PKP4: variants seen among roughly 807,000 people sequenced by gnomAD.
PKP4 encodes the protein plakophilin 4, also known as plakophilin-4.
In PKP4, 90 loss-of-function variants were observed where a neutral mutation model predicts 145.1. The observed-to-expected ratio is 0.62, with a 90% CI of 0.52 to 0.74. The LOEUF (loss-of-function observed/expected upper bound fraction) is 0.74, where lower values mean the gene tolerates loss of function less well. Ranked by LOEUF, PKP4 falls within the 30% of genes least tolerant of loss-of-function variation. The pLI, the probability that PKP4 is intolerant of heterozygous loss-of-function variation, is 0.00. For missense variants in PKP4, 1,340 were observed against 1,482.7 expected (o/e 0.90, Z 1.58); for synonymous variants, 563 against 577.2 (o/e 0.98, Z 0.35).
At chr2:158,679,971 C>T (rs934393477) in intron 21 of PKP4, among the ~76,000 whole-genome samples, 9 of 152,190 alleles carry the variant, frequency 5.9e-5, no homozygotes, top group African/African-American at 1.9e-4. Flanking sequence ...AAAGATGGTT[C>T]GGTAATTATA....
intron 1 of PKP4, among the ~76,000 whole-genome samples, chr2:158,508,853 G>A (rs1413646344): frequency 6.6e-6 from 1 of 152,134 alleles, no homozygotes; most frequent in African/African-American, 2.4e-5. Flanking sequence ...AGGTTCTGGG[G>A]TGACTGTGGA....
Position 158,558,746 on chromosome 2 carries a change from G to A in PKP4, c.133-18525G>A, listed in dbSNP as rs922513958. ...TGGGGTGCTGTCAAGAGAGTGATGC[G>A]ATGGTCAGGCTGAATATGGAAATAC... On this transcript the variant is annotated intron_variant, in intron 2 of 21. Coordinates refer to ENST00000389759, the MANE Select transcript of PKP4 (RefSeq NM_003628.6). Among the ~76,000 whole-genome samples the A allele has an allele frequency of 7.9e-5, 12 of 152,230 alleles. No individual in the cohort carries two copies. In the South Asian group the frequency reaches 2.1e-3, roughly 26 times the overall value.
intron 6 of PKP4, 26 bp from the exon 7 acceptor site, chr2:158,624,852 T>C: frequency 6.5e-7 from 1 of 1,539,104 alleles, no homozygotes; most frequent in Non-Finnish European, 8.8e-7. Context: ...ATAAACCCAT[T>C]CTCTTTTTTC....
intron 1 of PKP4, among the ~76,000 whole-genome samples, chr2:158,474,349 C>T (rs879801515): frequency 2.0e-5 from 3 of 152,144 alleles, no homozygotes; most frequent in East Asian, 1.9e-4. Context: ...ACTTCTAAGA[C>T]ATTATAATAC....
chr2:158,544,916 C>G (rs1356182823), intron 2 of PKP4, among the ~76,000 whole-genome samples: 1 of 152,062 alleles, frequency 6.6e-6, no homozygotes, highest in Admixed American at 6.6e-5. Flanking sequence ...GTCCCCTGTC[C>G]CACCTAGAGC....
At chr2:158,467,993 G>A (rs1690920351) in intron 1 of PKP4, among the ~76,000 whole-genome samples, 1 of 152,180 alleles carries the variant, frequency 6.6e-6, no homozygotes. Flanking sequence ...TTATAGCCAA[G>A]TAATATTCCA....
intron 3 of PKP4, among the ~76,000 whole-genome samples, chr2:158,586,258 C>T (rs574114605): frequency 1.3e-3 from 195 of 152,212 alleles, no homozygotes; most frequent in African/African-American, 4.6e-3. Context: ...ATATCAAGAG[C>T]TTTGCTCTAG....
intron 2 of PKP4, among the ~76,000 whole-genome samples, chr2:158,564,245 T>C (rs933478743): frequency 1.3e-5 from 2 of 152,080 alleles, no homozygotes; most frequent in Non-Finnish European, 2.9e-5. Flanking sequence ...CAAACCTATG[T>C]AGGCTTTGGG....
At chr2:158,543,293 T>C (rs944365637) in intron 2 of PKP4, among the ~76,000 whole-genome samples, 3 of 152,192 alleles carry the variant, frequency 2.0e-5, no homozygotes, top group East Asian at 1.9e-4. Flanking sequence ...ATATATTTGG[T>C]TATCTTTGTA....
At chr2:158,665,516 A>C (rs1294346351) in intron 15 of PKP4, among the ~76,000 whole-genome samples, 2 of 152,042 alleles carry the variant, frequency 1.3e-5, no homozygotes, top group African/African-American at 4.8e-5. Context: ...TCTCTGTCCT[A>C]CTGTCTTGGT....
chr2:158,526,005 C>CA (rs1164721458), intron 1 of PKP4, among the ~76,000 whole-genome samples: 6 of 151,056 alleles, frequency 4.0e-5, no homozygotes, highest in Non-Finnish European at 7.4e-5. Context: ...GTTTACCAAC[C>CA]AAAAAGAGTC....
At chr2:158,523,631 A>T (rs2042651407) in intron 1 of PKP4, among the ~76,000 whole-genome samples, 1 of 131,568 alleles carries the variant, frequency 7.6e-6, no homozygotes, top group Non-Finnish European at 1.6e-5. Context: ...AGCTGGATGG[A>T]GAATGACTTT....
intron 1 of PKP4, among the ~76,000 whole-genome samples, chr2:158,520,325 T>C (rs1428508727): frequency 6.6e-6 from 1 of 152,212 alleles, no homozygotes; most frequent in Non-Finnish European, 1.5e-5. Flanking sequence ...GAGGGTATTA[T>C]ATTTTGCAAC....
chr2:158,676,607 G>A (rs2058031747), intron 19 of PKP4, 132 bp from the exon 20 acceptor site: 11 of 1,095,592 alleles, frequency 1.0e-5, no homozygotes, highest in Middle Eastern at 4.3e-4. Context: ...GCACCTCTGA[G>A]ATATTTTCAG....
In PKP4 at chr2:158,621,378, A is replaced by G; in HGVS notation, c.560A>G (p.His187Arg). Residue 187 changes from histidine to arginine, a missense_variant, in exon 6 of 22, where the codon CAT becomes CGT. Coordinates refer to ENST00000389759, the MANE Select transcript of PKP4 (RefSeq NM_003628.6). The stretch of plus-strand genomic sequence containing the variant: ...TCATTCATAGGATCAACTAACAACC[A>G]TGTGGTGAGGAATTCAAGAGCTGAA... ...QHSFIGSTNN[H>R]VVRNSRAEGQ... 6.2e-7 allele frequency: 1 copy of G among 1,614,160 alleles called. No homozygotes were observed. The highest frequency in any genetic ancestry group is 1.3e-5 in the African/African-American group (1 of 75,048).
At chr2:158,624,801 T>C (rs2052595837) in intron 6 of PKP4, 77 bp from the exon 7 acceptor site, 7 of 1,088,574 alleles carry the variant, frequency 6.4e-6, no homozygotes, top group Non-Finnish European at 9.3e-6. Flanking sequence ...TAGTGAGCTA[T>C]GTGTATTTCT....
chr2:158,574,986 A>G (rs1191798558), intron 2 of PKP4, among the ~76,000 whole-genome samples: 1 of 152,232 alleles, frequency 6.6e-6, no homozygotes, highest in East Asian at 1.9e-4. Context: ...TAGTTGTAAG[A>G]TACAGAAACT....
chr2:158,647,099 G>A (rs950097159), intron 11 of PKP4, among the ~76,000 whole-genome samples: 8 of 152,138 alleles, frequency 5.3e-5, no homozygotes, highest in East Asian at 1.9e-4. Context: ...CTGTGTGACC[G>A]TGTCACCCAG....
chr2:158,673,573 C>A, intron 17 of PKP4, 104 bp from the exon 18 acceptor site: 1 of 829,618 alleles, frequency 1.2e-6, no homozygotes, highest in African/African-American at 1.7e-5. Context: ...CCCTGTGGCC[C>A]TGAGAGCGAT....
Sources: gnomAD v4.1 joint callset for allele counts (sites outside exome capture counted in the v4.1 genomes callset) on GRCh38, gnomAD v4.1.1 for gene constraint, MANE v1.5 for transcripts, NCBI Gene and HGNC (gene_info 2026-07-23, HGNC 2026-07-21) for gene names.